Variants in ACSBG2 observed in about 807,000 individuals in gnomAD.
The protein encoded by ACSBG2 is acyl-CoA synthetase bubblegum family member 2.
In ACSBG2, 62 loss-of-function variants were observed where a neutral mutation model predicts 74.7. The observed-to-expected ratio is 0.83, with a 90% CI of 0.68 to 1.03. The LOEUF (loss-of-function observed/expected upper bound fraction) is 1.03, where lower values mean the gene tolerates loss of function less well. Among genes scored for constraint, ACSBG2 ranks in the 50% least tolerant of loss-of-function variants. The pLI is 0.00. For missense variants in ACSBG2, 730 were observed against 817.6 expected (o/e 0.89, Z 1.31); for synonymous variants, 309 against 294.1 (o/e 1.05, Z -0.52).
At chr19:6,142,782 G>C (rs931960466) in intron 2 of ACSBG2, among the ~76,000 whole-genome samples, 2 of 150,162 alleles carry the variant, frequency 1.3e-5, no homozygotes, top group African/African-American at 4.9e-5. Flanking sequence ...TGAAAGTACT[G>C]AGGTTTATGG....
At position 6,156,537 on chromosome 19, in the gene ACSBG2, C is replaced by T. The variant is rs142462205; in HGVS notation, c.493C>T (p.Gln165Ter). Residue 165 changes from glutamine to a stop codon, truncating the protein, a stop_gained, in exon 5 of 15, where the codon CAG (glutamine) becomes TAG (stop). Coordinates refer to ENST00000588485, the MANE Select transcript of ACSBG2 (RefSeq NM_030924.5). LOFTEE classifies it high-confidence loss of function. ...GCTGGTTGAGAATGATCAACAGTTA[C>T]AGAAAATCCTTTCGGTAAACCCCTA... ...ILLVENDQQL[Q>*]KILSIPQSSL... 3.7e-5 allele frequency: 58 copies of T among 1,578,646 alleles called. No homozygotes were observed. In the African/African-American group the frequency reaches 7.1e-4, roughly 19 times the overall value.
chr19:6,166,793 A>T (rs2089823153), intron 7 of ACSBG2, among the ~76,000 whole-genome samples: 1 of 151,548 alleles, frequency 6.6e-6, no homozygotes, highest in African/African-American at 2.4e-5. Flanking sequence ...CAGTGCCACC[A>T]CATCCAACTA....
intron 1 of ACSBG2, among the ~76,000 whole-genome samples, 187 bp downstream of exon 1, chr19:6,136,096 A>G (rs932498594): frequency 2.0e-5 from 3 of 149,178 alleles, no homozygotes; most frequent in African/African-American, 7.5e-5. Context: ...GCCTGCCACC[A>G]TGTCCAGCTA....
intron 10 of ACSBG2, among the ~76,000 whole-genome samples, chr19:6,184,962 G>A (rs1024100147): frequency 4.7e-5 from 7 of 149,734 alleles, no homozygotes; most frequent in African/African-American, 1.2e-4. Context: ...TTGCTCTGTC[G>A]CCCAGGCTGG....
rs148907643 is a variant in ACSBG2, at chr19:6,178,229, C to T, written c.906+833C>T. 7.5e-3 allele frequency among the ~76,000 whole-genome samples: 1,140 copies of T among 152,142 alleles called. 16 individuals are homozygous for T. The highest frequency in any genetic ancestry group is 0.047 in the East Asian group (245 of 5,178). ...AGTAGTTTATCATATGATTCCACTT[C>T]CTGCTTGGTACAACTTTTTGTTTTT... On this transcript the variant is annotated intron_variant, in intron 8 of 14. Coordinates refer to ENST00000588485, the MANE Select transcript of ACSBG2 (RefSeq NM_030924.5).
chr19:6,153,662 T>A (rs569247113), intron 4 of ACSBG2, among the ~76,000 whole-genome samples: 2 of 152,138 alleles, frequency 1.3e-5, no homozygotes, highest in South Asian at 4.2e-4. Flanking sequence ...ATCGCAAGAT[T>A]CTGTCTCTAA....
rs115018236 is a variant in ACSBG2, at chr19:6,144,399, G to A, written c.67+2789G>A. On this transcript the variant is annotated intron_variant, in intron 2 of 14. Transcript: ENST00000588485. ...GAAATAGAGACGAACCTGCACACAC[G>A]GAGAATGTCATGTGAGGATCGAAGC... Among the ~76,000 whole-genome samples the A allele has an allele frequency of 6.4e-3, 977 of 152,282 alleles. 6 individuals carry two copies. The highest frequency in any genetic ancestry group is 9.7e-3 in the Non-Finnish European group (657 of 68,016).
intron 14 of ACSBG2, among the ~76,000 whole-genome samples, chr19:6,192,268 A>C (rs2090586322): frequency 6.6e-6 from 1 of 152,078 alleles, no homozygotes; most frequent in Non-Finnish European, 1.5e-5. Flanking sequence ...GCTAGAGTGC[A>C]GTGGTGCATT....
intron 13 of ACSBG2, among the ~76,000 whole-genome samples, chr19:6,188,487 A>C (rs148193093): frequency 6.6e-6 from 1 of 152,084 alleles, no homozygotes; most frequent in Non-Finnish European, 1.5e-5. Flanking sequence ...CACAAAATAC[A>C]AAAATTAGCT....
At chr19:6,140,369 T>C (rs2088775683) in intron 1 of ACSBG2, among the ~76,000 whole-genome samples, 1 of 152,062 alleles carries the variant, frequency 6.6e-6, no homozygotes, top group Admixed American at 6.6e-5. Flanking sequence ...TCCTGTCCGC[T>C]ACTGATGGGT....
At chr19:6,176,456 G>A in intron 7 of ACSBG2, 1 of 1,356,604 alleles carries the variant, frequency 7.4e-7, no homozygotes, top group Non-Finnish European at 1.0e-6. Flanking sequence ...GTAACATAAG[G>A]GACAATCCAA....
intron 8 of ACSBG2, among the ~76,000 whole-genome samples, chr19:6,178,346 A>G (rs2090146230): frequency 1.3e-5 from 2 of 152,018 alleles, no homozygotes. Flanking sequence ...GCTTATCAAT[A>G]GTCTCCAAAT....
chr19:6,154,467 A>G (rs2089352633), intron 4 of ACSBG2, among the ~76,000 whole-genome samples: 1 of 147,634 alleles, frequency 6.8e-6, no homozygotes, highest in Non-Finnish European at 1.5e-5. Flanking sequence ...TATATAATAC[A>G]TATAATAAAT....
At chr19:6,166,235 G>A (rs1384421279) in intron 7 of ACSBG2, among the ~76,000 whole-genome samples, 2 of 151,174 alleles carry the variant, frequency 1.3e-5, no homozygotes, top group Non-Finnish European at 2.9e-5. Context: ...GTCTGGCAGG[G>A]TATGCACCCA....
chr19:6,162,566 C>CAAAAAA (rs58138677), intron 6 of ACSBG2, among the ~76,000 whole-genome samples: 5 of 84,196 alleles, frequency 5.9e-5, no homozygotes, highest in East Asian at 3.9e-4. Flanking sequence ...GACTCCGTCT[C>CAAAAAA]AAAAAAAAAA....
chr19:6,175,463 C>G (rs1464148993), intron 7 of ACSBG2: 2 of 152,192 alleles, frequency 1.3e-5, no homozygotes, highest in Non-Finnish European at 2.9e-5. Flanking sequence ...ATGGCACTTT[C>G]ACCTTAGATG....
intron 8 of ACSBG2, among the ~76,000 whole-genome samples, chr19:6,181,220 T>TAAA (rs1424715547): frequency 1.9e-5 from 1 of 53,982 alleles, no homozygotes; most frequent in Non-Finnish European, 3.0e-5. Flanking sequence ...GGAGACTGTG[T>TAAA]CAAAAAAAAA....
chr19:6,171,504 G>A (rs1469637782), intron 7 of ACSBG2, among the ~76,000 whole-genome samples: 1 of 151,958 alleles, frequency 6.6e-6, no homozygotes, highest in African/African-American at 2.4e-5. Flanking sequence ...TTATTGGCTG[G>A]CATTTATTTT....
At chr19:6,137,211 G>GT (rs1387970003) in intron 1 of ACSBG2, 1 of 18,408 alleles carries the variant, frequency 5.4e-5, no homozygotes, top group African/African-American at 2.5e-4. Context: ...GGCGGGGTTG[G>GT]GGGGGGGGGG....
Sources: gnomAD v4.1 joint callset for allele counts (sites outside exome capture counted in the v4.1 genomes callset) on GRCh38, gnomAD v4.1.1 for gene constraint, MANE v1.5 for transcripts, NCBI Gene and HGNC (gene_info 2026-07-23, HGNC 2026-07-21) for gene names.